The following BBS9 variants were observed in gnomAD, a reference collection of about 807,000 sequenced individuals.
BBS9 encodes Bardet-Biedl syndrome 9, also known as protein PTHB1.
BBS9 carries 89 observed loss-of-function variants against 117.7 expected under a neutral mutation model. That is an observed-to-expected ratio of 0.76 (90% CI 0.64 to 0.90). The LOEUF (loss-of-function observed/expected upper bound fraction) is 0.90. Among genes scored for constraint, BBS9 ranks in the 40% least tolerant of loss-of-function variants. The pLI, the probability that BBS9 is intolerant of heterozygous loss-of-function variation, is 0.00. For synonymous variants in BBS9, 379 were observed against 370.9 expected (o/e 1.02, Z -0.25); for missense variants, 982 against 1,042.2 (o/e 0.94, Z 0.80).
chr7:33,583,675 T>C (rs1171807140), intron 21 of BBS9, among the ~76,000 whole-genome samples: 1 of 152,040 alleles, frequency 6.6e-6, no homozygotes, highest in East Asian at 1.9e-4. Flanking sequence ...GGCTTGACTC[T>C]GGATTTGGGG....
intron 21 of BBS9, among the ~76,000 whole-genome samples, chr7:33,535,187 A>G (rs904133695): frequency 2.0e-5 from 3 of 152,194 alleles, no homozygotes; most frequent in Non-Finnish European, 4.4e-5. Context: ...ATCCATTACT[A>G]CTTATATGAC....
intron 21 of BBS9, among the ~76,000 whole-genome samples, chr7:33,612,002 T>C (rs574535828): frequency 6.6e-6 from 1 of 151,474 alleles, no homozygotes; most frequent in East Asian, 1.9e-4. Context: ...TGCATGTATA[T>C]CATTGGTCCC....
chr7:33,402,316 CT>C (rs1250437808), intron 19 of BBS9, among the ~76,000 whole-genome samples: 10 of 152,120 alleles, frequency 6.6e-5, no homozygotes, highest in Non-Finnish European at 1.5e-4. Context: ...AAACTACATG[CT>C]GGTCAAGCTA....
At chr7:33,454,024 A>T (rs1838281523) in intron 19 of BBS9, among the ~76,000 whole-genome samples, 1 of 152,072 alleles carries the variant, frequency 6.6e-6, no homozygotes. Flanking sequence ...TAATCCCCTC[A>T]TTGTTCAAGT....
chr7:33,273,876 G>T lies in BBS9; in HGVS notation c.936G>T (p.Leu312=). 1.2e-6 allele frequency: 2 copies of T among 1,609,864 alleles called. No individual in the cohort carries two copies. Among genetic ancestry groups the T allele is most frequent in the Non-Finnish European group, 1.7e-6 (2 of 1,176,408 alleles). Residue 312 remains leucine (L), a synonymous_variant, in exon 9 of 23, where the codon CTG becomes CTT. Transcript: ENST00000242067. ...TGATTGGAAATCATAATAACATGCT[G>T]CATATTTATCAAGATGTGACACTGA... is the stretch of plus-strand genomic sequence containing the variant. ...NTLIGNHNNM[L]HIYQDVTLKW... is the part of the protein sequence containing the mutation.
At chr7:33,377,835 A>G (rs1824178151) in intron 17 of BBS9, among the ~76,000 whole-genome samples, 1 of 152,258 alleles carries the variant, frequency 6.6e-6, no homozygotes, top group East Asian at 1.9e-4. Flanking sequence ...TATGTACAAA[A>G]TCATTAGGAA....
intron 19 of BBS9, among the ~76,000 whole-genome samples, chr7:33,401,840 CCA>C (rs1245341406): frequency 2.6e-5 from 4 of 152,154 alleles, no homozygotes; most frequent in Admixed American, 1.3e-4. Context: ...TTTTTTTCCC[CCA>C]CAAGAGACAG....
intron 1 of BBS9, among the ~76,000 whole-genome samples, chr7:33,137,912 C>A (rs1156643410): frequency 6.6e-6 from 1 of 152,172 alleles, no homozygotes; most frequent in East Asian, 1.9e-4. Context: ...GCATGAAAGT[C>A]ATTGTTGTTG....
At chr7:33,212,947 G>A (rs1200998805) in intron 5 of BBS9, among the ~76,000 whole-genome samples, 3 of 152,180 alleles carry the variant, frequency 2.0e-5, no homozygotes, top group Non-Finnish European at 4.4e-5. Context: ...ACTGGGGACT[G>A]TGTTGGGTCA....
At chr7:33,139,235 A>G (rs1791071359) in intron 1 of BBS9, among the ~76,000 whole-genome samples, 1 of 151,362 alleles carries the variant, frequency 6.6e-6, no homozygotes. Context: ...CTGGGCAACA[A>G]GAGTGAAACT....
At chr7:33,285,977 GT>G (rs1473682275) in intron 9 of BBS9, among the ~76,000 whole-genome samples, 1 of 151,850 alleles carries the variant, frequency 6.6e-6, no homozygotes, top group Non-Finnish European at 1.5e-5. Context: ...AGTAATTACA[GT>G]TCCAGATTGT....
chr7:33,143,378 A>G (rs1396343165), intron 1 of BBS9, among the ~76,000 whole-genome samples: 1 of 151,944 alleles, frequency 6.6e-6, no homozygotes, highest in African/African-American at 2.4e-5. Flanking sequence ...GTCCTTGCCA[A>G]CACTTGTTAT....
intron 20 of BBS9, among the ~76,000 whole-genome samples, chr7:33,516,970 C>G (rs1847900820): frequency 3.9e-5 from 6 of 152,226 alleles, no homozygotes; most frequent in Admixed American, 3.9e-4. Context: ...GGTGAAACTC[C>G]CCAGCTGCCT....
At chr7:33,188,282 C>T (rs1783496525) in intron 5 of BBS9, among the ~76,000 whole-genome samples, 1 of 152,010 alleles carries the variant, frequency 6.6e-6, no homozygotes, top group South Asian at 2.1e-4. Context: ...GGTCTTTAGC[C>T]TTTGTTGCCC....
intron 21 of BBS9, among the ~76,000 whole-genome samples, chr7:33,621,380 G>T (rs1865397866): frequency 6.6e-6 from 1 of 152,090 alleles, no homozygotes; most frequent in Non-Finnish European, 1.5e-5. Flanking sequence ...AATGGGCAAA[G>T]GACCTGAATA....
chr7:33,407,981 C>T (rs553926607), intron 19 of BBS9, among the ~76,000 whole-genome samples: 1 of 152,234 alleles, frequency 6.6e-6, no homozygotes, highest in Non-Finnish European at 1.5e-5. Context: ...CAGACAGGGA[C>T]ATTTAAGTCT....
intron 9 of BBS9, among the ~76,000 whole-genome samples, chr7:33,288,151 C>G (rs993890097): frequency 6.6e-5 from 10 of 152,160 alleles, no homozygotes; most frequent in Non-Finnish European, 1.3e-4. Context: ...ACCAGAAATT[C>G]GTGCCTTATG....
At chr7:33,505,759 T>C (rs1846068343) in intron 20 of BBS9, 114 bp downstream of exon 20, 1 of 1,147,972 alleles carries the variant, frequency 8.7e-7, no homozygotes, top group African/African-American at 1.6e-5. Context: ...GTTTGATTTT[T>C]TACAAAAATG....
chr7:33,203,804 C>A (rs1786366823), intron 5 of BBS9, among the ~76,000 whole-genome samples: 1 of 151,734 alleles, frequency 6.6e-6, no homozygotes, highest in African/African-American at 2.4e-5. Flanking sequence ...CTCACTGCAA[C>A]CTCCGCCTCC....
Sources: gnomAD v4.1 joint callset for allele counts (sites outside exome capture counted in the v4.1 genomes callset) on GRCh38, gnomAD v4.1.1 for gene constraint, MANE v1.5 for transcripts, NCBI Gene and HGNC (gene_info 2026-07-23, HGNC 2026-07-21) for gene names.